Variants in ME1 observed in about 807,000 individuals in gnomAD.
The protein encoded by ME1 is malic enzyme 1.
In ME1, 74 loss-of-function variants were observed where a neutral mutation model predicts 66.4. That is an observed-to-expected ratio of 1.11 (90% CI 0.92 to 1.35). The LOEUF is 1.35. Among genes scored for constraint, ME1 ranks in the 40% most tolerant of loss-of-function variants. ME1 has a pLI of 0.00. For missense variants in ME1, 750 were observed against 694.1 expected (o/e 1.08, Z -0.90); for synonymous variants, 251 against 235.6 (o/e 1.07, Z -0.60).
intron 5 of ME1, among the ~76,000 whole-genome samples, chr6:83,316,880 T>G (rs1280387735): frequency 6.6e-6 from 1 of 151,820 alleles, no homozygotes; most frequent in Non-Finnish European, 1.5e-5. Context: ...GTGTAAGACC[T>G]GCACACTGGA....
At chr6:83,352,595 A>G (rs1367111473) in intron 3 of ME1, among the ~76,000 whole-genome samples, 7 of 152,134 alleles carry the variant, frequency 4.6e-5, no homozygotes, top group Non-Finnish European at 1.5e-5. Context: ...TGTGTTAGAG[A>G]TGGCTGAAGT....
chr6:83,291,416 A>G (rs1269263677), intron 6 of ME1, among the ~76,000 whole-genome samples: 3 of 152,182 alleles, frequency 2.0e-5, no homozygotes, highest in Non-Finnish European at 4.4e-5. Flanking sequence ...TAGGTTGAGA[A>G]TTCTTTGCTT....
chr6:83,311,678 G>T (rs1562477506), intron 6 of ME1, among the ~76,000 whole-genome samples: 1 of 152,042 alleles, frequency 6.6e-6, no homozygotes, highest in Non-Finnish European at 1.5e-5. Flanking sequence ...TTTCAGTGGT[G>T]GTTCTCCCCT....
In ME1 at chr6:83,283,119, T is replaced by A. The variant is rs550838825; in HGVS notation, c.705-29381A>T. Among the ~76,000 whole-genome samples the A allele has an allele frequency of 3.4e-3, 495 of 147,032 alleles. 1 individual carries two copies. Among genetic ancestry groups the A allele is most frequent in the African/African-American group, 0.012 (471 of 39,226 alleles). The stretch of plus-strand genomic sequence containing the variant: ...AGCGGGCGCCTGTAGTCCCAGCTAC[T>A]CGGGAGGCTGAGGCAGGAGAATGGC... On this transcript the variant is annotated intron_variant, in intron 6 of 13. Coordinates refer to ENST00000369705, the MANE Select transcript of ME1 (RefSeq NM_002395.6).
At chr6:83,275,990 G>A (rs990895604) in intron 6 of ME1, among the ~76,000 whole-genome samples, 1 of 147,322 alleles carries the variant, frequency 6.8e-6, no homozygotes, top group Non-Finnish European at 1.5e-5. Flanking sequence ...CAGGATGGTC[G>A]CGATCTTCTG....
chr6:83,411,443 A>G (rs529665782), intron 1 of ME1, among the ~76,000 whole-genome samples: 2 of 152,326 alleles, frequency 1.3e-5, no homozygotes, highest in East Asian at 3.9e-4. Context: ...ACATCAACAA[A>G]TAAGTAAACT....
intron 3 of ME1, chr6:83,392,901 G>T: frequency 1.2e-6 from 1 of 801,008 alleles, no homozygotes; most frequent in Non-Finnish European, 2.2e-6. Context: ...CCTGGCCAAG[G>T]TCATCCATGA....
intron 10 of ME1, 99 bp downstream of exon 10, chr6:83,228,727 A>T: frequency 1.2e-6 from 1 of 801,520 alleles, no homozygotes. Context: ...TAGTTTTTTG[A>T]ATTCAAAAAG....
chr6:83,260,617 G>A (rs1407241154), intron 6 of ME1, among the ~76,000 whole-genome samples: 2 of 152,164 alleles, frequency 1.3e-5, no homozygotes, highest in Non-Finnish European at 2.9e-5. Flanking sequence ...TGGACACTAG[G>A]CCCCAGTGTC....
chr6:83,237,029 TAC>T (rs1790412277), intron 9 of ME1, among the ~76,000 whole-genome samples: 1 of 115,230 alleles, frequency 8.7e-6, no homozygotes, highest in Non-Finnish European at 1.8e-5. Flanking sequence ...GTGAAAGCTG[TAC>T]AGTTTTTTTT....
At chr6:83,324,649 A>C (rs1768248330) in intron 5 of ME1, among the ~76,000 whole-genome samples, 1 of 150,426 alleles carries the variant, frequency 6.6e-6, no homozygotes, top group Non-Finnish European at 1.5e-5. Context: ...AACTAGGAAG[A>C]AGTCGAATCC....
chr6:83,227,929 A>G (rs896120431), intron 10 of ME1, among the ~76,000 whole-genome samples: 1 of 152,256 alleles, frequency 6.6e-6, no homozygotes, highest in African/African-American at 2.4e-5. Flanking sequence ...CTTTAACAGA[A>G]GAATAAAGCA....
At chr6:83,343,524 C>T (rs1016476314) in intron 5 of ME1, among the ~76,000 whole-genome samples, 3 of 152,290 alleles carry the variant, frequency 2.0e-5, no homozygotes, top group African/African-American at 7.2e-5. Flanking sequence ...ACAAATAATA[C>T]ACAGCATTTT....
rs181507682 is a variant in ME1, at chr6:83,320,565, C to A, written c.601-5152G>T. ...CATAAAAACTTTAAACAATTACTGG[C>A]AGGCTTCTGAGCAGCTGAAGTTGAA... On this transcript the variant is annotated intron_variant, in intron 5 of 13. Coordinates refer to ENST00000369705, the MANE Select transcript of ME1 (RefSeq NM_002395.6). Among the ~76,000 whole-genome samples, 644 of 152,268 alleles carry A rather than the reference C, an allele frequency of 4.2e-3. 1 individual carries two copies. Among genetic ancestry groups the A allele is most frequent in the Non-Finnish European group, 7.3e-3 (494 of 68,030 alleles).
chr6:83,410,674 T>C (rs568796576), intron 1 of ME1, among the ~76,000 whole-genome samples: 1 of 152,220 alleles, frequency 6.6e-6, no homozygotes, highest in Non-Finnish European at 1.5e-5. Context: ...TTCTGAGTGT[T>C]ATGCCTTGAA....
chr6:83,427,248 T>C (rs1318795855), intron 1 of ME1, among the ~76,000 whole-genome samples: 1 of 152,198 alleles, frequency 6.6e-6, no homozygotes, highest in Non-Finnish European at 1.5e-5. Context: ...ATGATGCATA[T>C]TTTAATACAA....
In ME1 at chr6:83,298,931, G is replaced by GTTTTTTTTTT. The variant is rs61055748; in HGVS notation, c.704+16369_704+16378dup. 9.3e-4 allele frequency among the ~76,000 whole-genome samples: 21 copies of GTTTTTTTTTT among 22,496 alleles called. 3 individuals carry two copies. The highest frequency in any genetic ancestry group is 1.9e-3 in the Admixed American group (3 of 1,580). 14.8% of individuals were successfully genotyped at this position (22,496 alleles called of 152,430 possible). ...TGCTGTTCCATTAGTCTATGTGTCTGTTTTTTTTTTTTTTTTTTTTTTTTT... is the reference window on the plus strand; with the variant it reads ...TGCTGTTCCATTAGTCTATGTGTCTGTTTTTTTTTTTTTTTTTTTTTTTTTTTTTTTTTTT... On this transcript the variant is annotated intron_variant, in intron 6 of 13. Coordinates refer to ENST00000369705, the MANE Select transcript of ME1 (RefSeq NM_002395.6).
chr6:83,228,768 A>C (rs1583328769), intron 10 of ME1, 58 bp downstream of exon 10: 5 of 1,220,374 alleles, frequency 4.1e-6, no homozygotes, highest in Middle Eastern at 1.9e-4. Flanking sequence ...TTGGTAGTAA[A>C]AAAAACAATC....
chr6:83,216,145 T>C (rs757196678), intron 13 of ME1, among the ~76,000 whole-genome samples: 11 of 152,238 alleles, frequency 7.2e-5, no homozygotes, highest in African/African-American at 2.4e-4. Context: ...CTAACATATC[T>C]GTAATATTTT....
Sources: allele counts gnomAD v4.1 joint callset (sites outside exome capture counted in the v4.1 genomes callset), GRCh38; gene constraint gnomAD v4.1.1; transcripts MANE v1.5; gene names NCBI Gene and HGNC (gene_info 2026-07-23, HGNC 2026-07-21).